The following LRMDA variants were observed in gnomAD, a reference collection of about 807,000 sequenced individuals.
The protein encoded by LRMDA is leucine-rich melanocyte differentiation-associated protein.
Under a neutral mutation model 29.8 loss-of-function variants are expected in LRMDA, and 18 were observed. That is an observed-to-expected ratio of 0.60 (90% CI 0.42 to 0.90). The LOEUF (loss-of-function observed/expected upper bound fraction) is 0.90. Among genes scored for constraint, LRMDA ranks in the 40% least tolerant of loss-of-function variants. The pLI, the probability that LRMDA is intolerant of heterozygous loss-of-function variation, is 0.00. For synonymous variants in LRMDA, 125 were observed against 109.4 expected, an observed-to-expected ratio of 1.14 and a Z score of -0.89; for missense variants, 273 against 273.9, an observed-to-expected ratio of 1.00 and a Z score of 0.02.
Position 76,202,395 on chromosome 10 carries a change from A to T in LRMDA, c.517-122006A>T, listed in dbSNP as rs528993290. On this transcript the variant is annotated intron_variant, in intron 5 of 6. Coordinates refer to ENST00000611255, the MANE Select transcript of LRMDA (RefSeq NM_001305581.2). Reference sequence around the variant, plus strand: ...GACTTCCTCCATGGGACAGCTTGGCATTAATGAATTGAAAGATTGTCCTTA... The same window carrying T: ...GACTTCCTCCATGGGACAGCTTGGCTTTAATGAATTGAAAGATTGTCCTTA... Among the ~76,000 whole-genome samples, 13 of 152,312 alleles carry T rather than the reference A, an allele frequency of 8.5e-5. No homozygotes were observed. In the South Asian group the frequency reaches 2.5e-3, roughly 29 times the overall value.
At chr10:76,374,815 A>G (rs372876044) in intron 6 of LRMDA, among the ~76,000 whole-genome samples, 41 of 152,300 alleles carry the variant, frequency 2.7e-4, no homozygotes, top group African/African-American at 9.6e-4. Context: ...CTAGTATATC[A>G]AGAAATTCTT....
At chr10:76,299,156 C>CGTGT (rs111635114) in intron 5 of LRMDA, among the ~76,000 whole-genome samples, 6,325 of 147,240 alleles carry the variant, frequency 0.043, 161 homozygotes, top group African/African-American at 0.06. Flanking sequence ...AGAGAAGAGC[C>CGTGT]GTGTGTGTGT....
Position 76,254,416 on chromosome 10 carries a change from A to ATGC in LRMDA, c.517-69984_517-69983insGCT, listed in dbSNP as rs1385904001. On this transcript the variant is annotated intron_variant, in intron 5 of 6. Coordinates refer to ENST00000611255, the MANE Select transcript of LRMDA (RefSeq NM_001305581.2). ...ATGCTATGCTATGCTATGCTATGCT[A>ATGC]TACTATACTATACTGAAATGCTATA... is the stretch of plus-strand genomic sequence containing the variant. 1.1e-3 allele frequency among the ~76,000 whole-genome samples: 173 copies of ATGC among 151,288 alleles called. 1 individual carries two copies. The highest frequency in any genetic ancestry group is 3.4e-3 in the South Asian group (16 of 4,764).
At chr10:75,818,176 C>T (rs183656872) in intron 2 of LRMDA, among the ~76,000 whole-genome samples, 19 of 152,286 alleles carry the variant, frequency 1.2e-4, no homozygotes, top group Admixed American at 1.2e-3. Context: ...GTCACATACC[C>T]ACACCTTAGA....
chr10:76,295,312 G>T (rs926623294), intron 5 of LRMDA, among the ~76,000 whole-genome samples: 6 of 152,208 alleles, frequency 3.9e-5, no homozygotes, highest in Non-Finnish European at 8.8e-5. Flanking sequence ...CATTGTAGAA[G>T]AGATGTCTAC....
chr10:75,625,154 G>A (rs1428456496), intron 2 of LRMDA, among the ~76,000 whole-genome samples: 4 of 152,212 alleles, frequency 2.6e-5, no homozygotes, highest in Non-Finnish European at 5.9e-5. Context: ...CAGAGCTTGA[G>A]TGGGAAGGAC....
intron 2 of LRMDA, among the ~76,000 whole-genome samples, chr10:75,808,816 A>G (rs116152070): frequency 0.016 from 2,414 of 152,236 alleles, 65 homozygotes; most frequent in African/African-American, 0.055. Context: ...CCTGATGGTC[A>G]TACTTTTTAA....
intron 2 of LRMDA, among the ~76,000 whole-genome samples, chr10:75,597,546 G>A (rs758253668): frequency 7.2e-5 from 11 of 152,172 alleles, no homozygotes; most frequent in Non-Finnish European, 1.2e-4. Flanking sequence ...TTGTGAGCAC[G>A]GGAGAGAAAA....
intron 5 of LRMDA, among the ~76,000 whole-genome samples, chr10:76,193,836 A>G (rs1306683793): frequency 6.6e-6 from 1 of 152,298 alleles, no homozygotes. Flanking sequence ...GTATAAGGAG[A>G]GGCCTGCAGC....
intron 6 of LRMDA, among the ~76,000 whole-genome samples, chr10:76,337,135 C>T (rs866933465): frequency 9.2e-5 from 14 of 152,266 alleles, no homozygotes; most frequent in Middle Eastern, 3.4e-3. Flanking sequence ...TCCATTTCTT[C>T]TTCCAAATCC....
chr10:75,752,526 A>G (rs1240398879), intron 2 of LRMDA, among the ~76,000 whole-genome samples: 4 of 152,188 alleles, frequency 2.6e-5, no homozygotes, highest in African/African-American at 9.7e-5. Flanking sequence ...CCTTTTAAAC[A>G]TCAATTTATT....
chr10:75,505,458 A>T (rs185628147), intron 2 of LRMDA, among the ~76,000 whole-genome samples: 1 of 152,168 alleles, frequency 6.6e-6, no homozygotes, highest in Admixed American at 6.5e-5. Context: ...AATCTCTACC[A>T]CAGTGGCACA....
chr10:76,250,931 G>A (rs1663647659), intron 5 of LRMDA, among the ~76,000 whole-genome samples: 1 of 152,150 alleles, frequency 6.6e-6, no homozygotes, highest in South Asian at 2.1e-4. Flanking sequence ...TCTTTACTGT[G>A]CATATTTAGT....
At chr10:75,478,510 G>A (rs940097542) in intron 2 of LRMDA, among the ~76,000 whole-genome samples, 2 of 152,116 alleles carry the variant, frequency 1.3e-5, no homozygotes, top group Non-Finnish European at 2.9e-5. Flanking sequence ...ACTGAATTAA[G>A]CTTTCTGTTT....
chr10:75,954,004 G>T (rs1052887919), intron 2 of LRMDA, among the ~76,000 whole-genome samples: 1 of 152,172 alleles, frequency 6.6e-6, no homozygotes, highest in Non-Finnish European at 1.5e-5. Flanking sequence ...AGAGAGAGAG[G>T]GATTTGACAT....
intron 3 of LRMDA, among the ~76,000 whole-genome samples, chr10:76,042,675 C>G (rs1180922127): frequency 6.6e-6 from 1 of 152,120 alleles, no homozygotes; most frequent in Non-Finnish European, 1.5e-5. Context: ...AGATATGCCT[C>G]TAGAGAAACT....
At chr10:76,412,014 C>T (rs2132509446) in intron 6 of LRMDA, among the ~76,000 whole-genome samples, 1 of 152,326 alleles carries the variant, frequency 6.6e-6, no homozygotes, top group South Asian at 2.1e-4. Flanking sequence ...AAGGCGCCAG[C>T]CTCTGTTTGC....
chr10:76,151,038 G>A (rs1029990205), intron 5 of LRMDA, among the ~76,000 whole-genome samples: 1 of 152,148 alleles, frequency 6.6e-6, no homozygotes, highest in Non-Finnish European at 1.5e-5. Flanking sequence ...CGCCCTGTAT[G>A]CACCTCTGAA....
At chr10:75,782,745 A>C in intron 2 of LRMDA, 1 of 1,359,328 alleles carries the variant, frequency 7.4e-7, no homozygotes, top group Non-Finnish European at 9.5e-7. Flanking sequence ...CTGCAAGCAG[A>C]TGCCCTTTGC....
Sources: allele counts gnomAD v4.1 joint callset (sites outside exome capture counted in the v4.1 genomes callset), GRCh38; gene constraint gnomAD v4.1.1; transcripts MANE v1.5; gene names NCBI Gene and HGNC (gene_info 2026-07-23, HGNC 2026-07-21).